COL6A2: variants seen among roughly 807,000 people sequenced by gnomAD.
The protein encoded by COL6A2 is collagen alpha-2(VI) chain.
COL6A2 carries 90 observed loss-of-function variants against 124.9 expected under a neutral mutation model. The ratio of observed to expected loss-of-function variants is 0.72; its 90% CI spans 0.61 to 0.86. COL6A2 has a LOEUF of 0.86. COL6A2 is among the 40% of genes least tolerant of loss of function. The probability of loss-of-function intolerance (pLI) is 0.00; values close to 1 mark genes in which losing one functional copy is unlikely to be tolerated. For missense variants in COL6A2, 1,607 were observed against 1,502.5 expected (o/e 1.07, Z -1.15); for synonymous variants, 793 against 618.2 (o/e 1.28, Z -4.19).
In COL6A2 at chr21:46,116,346, C is replaced by T. The variant is rs940828862; in HGVS notation, c.901-31C>T. On this transcript the variant is annotated intron_variant, in intron 7 of 27. Transcript: ENST00000300527. This position sits in a 1 kb window ranked among gnomAD's most constrained non-coding sequence, Gnocchi z 4.6. ...CTGCCTGTGTCTCTGCAGAGCTCCT[C>T]ACTAATGCCCCTCTCTCCTCCTGCC... 6 of 1,612,198 alleles carry T rather than the reference C, an allele frequency of 3.7e-6. No homozygotes were observed. In the African/African-American group the frequency reaches 6.7e-5, roughly 18 times the overall value.
Position 46,118,598 on chromosome 21 carries a change from C to G in COL6A2, c.1117-16C>G, listed in dbSNP as rs776916481. 9 of 1,612,184 alleles carry G rather than the reference C, an allele frequency of 5.6e-6. No individual in the cohort carries two copies. The highest frequency in any genetic ancestry group is 5.9e-6 in the Non-Finnish European group (7 of 1,179,802). Reference sequence around the variant, plus strand: ...CCTGCCAAAAGACGTGAGGCTGATTCTGCAAACCCTTCCAGGGGGACCCTG... The same window carrying G: ...CCTGCCAAAAGACGTGAGGCTGATTGTGCAAACCCTTCCAGGGGGACCCTG... On this transcript the variant is annotated splice_polypyrimidine_tract_variant and intron_variant, in intron 12 of 27. Coordinates refer to ENST00000300527, the MANE Select transcript of COL6A2 (RefSeq NM_001849.4).
chr21:46,131,987 T>C lies in COL6A2; in HGVS notation c.2495T>C (p.Val832Ala). The C allele has an allele frequency of 6.2e-7, 1 of 1,609,856 alleles. No individual in the cohort carries two copies. Among genetic ancestry groups the C allele is most frequent in the Non-Finnish European group, 8.5e-7 (1 of 1,179,310 alleles). Residue 832 changes from valine (V) to alanine (A), a missense_variant, in exon 28 of 28, where the codon GTG becomes GCG. Coordinates refer to ENST00000300527, the MANE Select transcript of COL6A2 (RefSeq NM_001849.4). ...LSVAQCTQRPVDIVFLLDGSE... is the reference protein window; with the variant it reads ...LSVAQCTQRPADIVFLLDGSE... ...GTGGCACAGTGCACGCAGCGGCCCG[T>C]GGACATCGTCTTCCTGCTGGACGGC...
intron 27 of COL6A2, among the ~76,000 whole-genome samples, chr21:46,131,108 C>T (rs1328537249): frequency 1.3e-5 from 2 of 152,196 alleles, no homozygotes; most frequent in African/African-American, 4.8e-5. Flanking sequence ...GGCTGAGAAG[C>T]AGACACCCTT....
Position 46,132,707 on chromosome 21 carries a change from C to A in COL6A2, c.*155C>A. ...TCCTCCCACGGGGTCCCCGTAGCCCCGGCCCCCGCCCAGCCCCAGGTCTCC... is the reference window on the plus strand; with the variant it reads ...TCCTCCCACGGGGTCCCCGTAGCCCAGGCCCCCGCCCAGCCCCAGGTCTCC... On this transcript the variant is annotated 3_prime_UTR_variant, in exon 28 of 28. Coordinates refer to ENST00000300527, the MANE Select transcript of COL6A2 (RefSeq NM_001849.4). The A allele has an allele frequency of 1.3e-6, 1 of 754,410 alleles. No homozygotes were observed. Among genetic ancestry groups the A allele is most frequent in the South Asian group, 1.7e-5 (1 of 58,518 alleles). 46.7% of individuals were successfully genotyped at this position (754,410 alleles called of 1,614,324 possible). A position where few individuals can be genotyped will look rare whatever the true frequency, so the allele number is the denominator to read the frequency against.
At position 46,124,701 on chromosome 21, in the gene COL6A2, C is replaced by T. The variant is rs959126679; in HGVS notation, c.1722C>T (p.Val574=). The T allele has an allele frequency of 1.2e-6, 2 of 1,612,836 alleles. No homozygotes were observed. The highest frequency in any genetic ancestry group is 8.5e-7 in the Non-Finnish European group (1 of 1,179,918). The change falls in exon 22 of 28, where the codon GTC becomes GTT. Residue 574 remains valine, a synonymous_variant. Transcript: ENST00000300527. The part of the protein sequence containing the change: ...GEPGPRGPRG[V]PGPEGEPGPP... ...CAGGCCCTCGGGGGCCAAGAGGAGT[C>T]CCAGGACCCGAGGTAGGTTGGTGGC...
chr21:46,128,772 C>A, intron 27 of COL6A2: 2 of 811,098 alleles, frequency 2.5e-6, no homozygotes, highest in South Asian at 1.3e-5. Context: ...ACTCACATCC[C>A]AGAGAGGCTG....
Position 46,112,859 on chromosome 21 carries a change from G to A in COL6A2, c.735+35G>A, listed in dbSNP as rs199642692. The A allele has an allele frequency of 6.1e-4, 978 of 1,613,100 alleles. 5 individuals carry two copies. The highest frequency in any genetic ancestry group is 8.0e-4 in the South Asian group (73 of 91,082). ...GCTTCCCTTCCTGCCAGTGCTGGCC[G>A]GCAGCTGACCCAGCAGAGATGACCG... is the stretch of plus-strand genomic sequence containing the variant. On this transcript the variant is annotated intron_variant, in intron 4 of 27. Transcript: ENST00000300527.
chr21:46,113,680 C>T, intron 4 of COL6A2: 1 of 433,858 alleles, frequency 2.3e-6, no homozygotes, highest in Non-Finnish European at 4.3e-6. Context: ...CCTGCCTCGG[C>T]CTACCAAAAT....
Position 46,120,251 on chromosome 21 carries a change from G to A in COL6A2, c.1333-264G>A, listed in dbSNP as rs73908533. Among the ~76,000 whole-genome samples, 13,597 of 151,832 alleles carry A rather than the reference G, an allele frequency of 0.09. 1,866 individuals carry two copies. The highest frequency in any genetic ancestry group is 0.3 in the African/African-American group (12,248 of 41,414). ...AGCTCCCCTTGACATCAGGTGAAGG[G>A]GCTTCCTCCCAGGAAGTGGACGAGG... On this transcript the variant is annotated intron_variant, in intron 15 of 27. Transcript: ENST00000300527.
Position 46,132,302 on chromosome 21 carries a change from G to T in COL6A2, c.2810G>T (p.Arg937Leu). Residue 937 changes from arginine to leucine, a missense_variant, in exon 28 of 28, where the codon CGG becomes CTG. Transcript: ENST00000300527. ...GTGCGCAGCCCGCGTGGCGGGGCCC[G>T]GAGGCACGCAGAGCTGTCCTTCGTG... ...AIVRSPRGGA[R>L]RHAELSFVFL... 1 of 1,606,188 alleles carries T rather than the reference G, an allele frequency of 6.2e-7. No individual in the cohort carries two copies.
rs1336777852 is a variant in COL6A2, at chr21:46,115,888, T to C, written c.818T>C (p.Met273Thr). The C allele has an allele frequency of 2.5e-6, 4 of 1,612,792 alleles. No homozygotes were observed. Among genetic ancestry groups the C allele is most frequent in the East Asian group, 4.5e-5 (2 of 44,894 alleles). Residue 273 changes from methionine to threonine, a missense_variant, in exon 6 of 28, where the codon ATG (methionine) becomes ACG (threonine). This residue lies in a region of COL6A2 where 42 missense variants were observed against 68.7 expected (regional missense o/e 0.61). Coordinates refer to ENST00000300527, the MANE Select transcript of COL6A2 (RefSeq NM_001849.4). ...TGCTTTTAGGGTGCCAAGGGCAACATGGGTGAGCCGGGAGAGCCTGGCCAG... is the reference window on the plus strand; with the variant it reads ...TGCTTTTAGGGTGCCAAGGGCAACACGGGTGAGCCGGGAGAGCCTGGCCAG... ...YRGQKGAKGN[M>T]GEPGEPGQKG...
rs200484565 is a variant in COL6A2 at position 46,126,552 on chromosome 21, G to A, written c.2461+11G>A. ...TTCCCTGCCAAACAGGTAATGCAGGGCACCCTGAGCCACCACCCCAGACTA... is the reference window on the plus strand; with the variant it reads ...TTCCCTGCCAAACAGGTAATGCAGGACACCCTGAGCCACCACCCCAGACTA... On this transcript the variant is annotated intron_variant, in intron 27 of 27. Transcript: ENST00000300527. 8.1e-6 allele frequency: 13 copies of A among 1,613,310 alleles called. No individual in the cohort carries two copies. In the Admixed American group the frequency reaches 1.2e-4, roughly 14 times the overall value.
intron 27 of COL6A2, chr21:46,129,267 C>A: frequency 6.2e-7 from 1 of 1,612,956 alleles, no homozygotes; most frequent in South Asian, 1.1e-5. Flanking sequence ...CGCCACCTTC[C>A]CCAGGACCAT....
chr21:46,131,972 GCA>G lies in COL6A2; in HGVS notation c.2482_2483del (p.Thr828AlafsTer18). ...CCCACAGAGCTGTCCGTGGCACAGT[GCA>G]CGCAGCGGCCCGTGGACATCGTCTT... On this transcript the variant is annotated frameshift_variant, in exon 28 of 28. Coordinates refer to ENST00000300527, the MANE Select transcript of COL6A2 (RefSeq NM_001849.4). LOFTEE classifies it high-confidence loss of function. 6.2e-7 allele frequency: 1 copy of G among 1,606,882 alleles called. No homozygotes were observed. The highest frequency in any genetic ancestry group is 8.5e-7 in the Non-Finnish European group (1 of 1,178,260).
In COL6A2 at chr21:46,117,911, G is replaced by A. The variant is rs780751015; in HGVS notation, c.1091G>A (p.Gly364Glu). ...DGYPGEAGSPGERGDQGGKGD... is the reference protein window; with the variant it reads ...DGYPGEAGSPEERGDQGGKGD... ...TACCCGGGGGAAGCAGGGAGTCCAG[G>A]GGAGCGAGGAGACCAAGGCGGCAAG... Residue 364 changes from glycine (G) to glutamate (E), a missense_variant, in exon 12 of 28, where the codon GGG becomes GAG. Transcript: ENST00000300527. 1 of 1,612,970 alleles carries A rather than the reference G, an allele frequency of 6.2e-7. No homozygotes were observed. The highest frequency in any genetic ancestry group is 8.5e-7 in the Non-Finnish European group (1 of 1,179,830).
intron 1 of COL6A2, among the ~76,000 whole-genome samples, chr21:46,099,946 G>A (rs967638180): frequency 2.1e-5 from 3 of 143,348 alleles, no homozygotes; most frequent in African/African-American, 7.6e-5. Flanking sequence ...TGCCTTGTTG[G>A]GGGGTTTGTT....
intron 17 of COL6A2, 25 bp from the exon 18 acceptor site, chr21:46,121,530 CT>C (rs1169285960): frequency 6.2e-7 from 1 of 1,611,922 alleles, no homozygotes; most frequent in Non-Finnish European, 8.5e-7. Flanking sequence ...CCTGTGCTGA[CT>C]TCTGAATTTC....
At chr21:46,121,535 G>C in intron 17 of COL6A2, 21 bp from the exon 18 acceptor site, 1 of 1,612,522 alleles carries the variant, frequency 6.2e-7, no homozygotes. Context: ...GCTGACTTCT[G>C]AATTTCTCTC....
rs539735984 is a variant in COL6A2, at chr21:46,125,634, C to T, written c.1969+17C>T. ...CCGAGACAGGTCAGCGGGGCAGGGG[C>T]GGGTGCAGCATTGCGGGGGGCCGGG... On this transcript the variant is annotated intron_variant, in intron 25 of 27. Transcript: ENST00000300527. 326 of 732,340 alleles carry T rather than the reference C, an allele frequency of 4.5e-4. 3 individuals carry two copies. The highest frequency in any genetic ancestry group is 1.2e-4 in the Non-Finnish European group (54 of 450,786). 45.4% of individuals were successfully genotyped at this position (732,340 alleles called of 1,614,324 possible).
Sources: gnomAD v4.1 joint callset for allele counts (sites outside exome capture counted in the v4.1 genomes callset) on GRCh38, gnomAD v4.1.1 for gene constraint, gnomAD v4.1.1 regional missense constraint, Gnocchi (gnomAD v3.1) non-coding constraint, MANE v1.5 for transcripts, NCBI Gene and HGNC (gene_info 2026-07-23, HGNC 2026-07-21) for gene names.